The following FRMD3 variants were observed in gnomAD, a reference collection of about 807,000 sequenced individuals.
The protein encoded by FRMD3 is FERM domain containing 3.
In FRMD3, 33 loss-of-function variants were observed where a neutral mutation model predicts 70.2. The ratio of observed to expected loss-of-function variants is 0.47; its 90% CI spans 0.36 to 0.63. The LOEUF is 0.63. Among genes scored for constraint, FRMD3 ranks in the 20% least tolerant of loss-of-function variants. The probability of loss-of-function intolerance (pLI) is 0.00; values close to 1 mark genes in which losing one functional copy is unlikely to be tolerated. For synonymous variants in FRMD3, 279 were observed against 255.9 expected, an observed-to-expected ratio of 1.09 and a Z score of -0.86; for missense variants, 632 against 711.4, an observed-to-expected ratio of 0.89 and a Z score of 1.27.
intron 9 of FRMD3, among the ~76,000 whole-genome samples, chr9:83,309,849 C>A (rs1015870626): frequency 1.3e-5 from 2 of 152,154 alleles, no homozygotes; most frequent in African/African-American, 4.8e-5. Context: ...TGTTTCTGAT[C>A]AAAATCAGCC....
intron 1 of FRMD3, among the ~76,000 whole-genome samples, chr9:83,523,945 T>A (rs908566475): frequency 2.0e-5 from 3 of 152,194 alleles, no homozygotes; most frequent in African/African-American, 7.2e-5. Flanking sequence ...GGTGAAGATA[T>A]CCTTGATAAG....
intron 13 of FRMD3, among the ~76,000 whole-genome samples, chr9:83,271,549 G>C (rs987536769): frequency 6.6e-6 from 1 of 152,136 alleles, no homozygotes; most frequent in African/African-American, 2.4e-5. Context: ...TCAACCATTT[G>C]TATAACTTAA....
the FRMD3 span, among the ~76,000 whole-genome samples, chr9:83,562,804 A>G: frequency 1.3e-5 from 2 of 152,206 alleles, no homozygotes; most frequent in South Asian, 4.1e-4. Context: ...CAGAAACTTA[A>G]AAGTCAAAGG....
At chr9:83,403,391 A>C (rs1564060304) in intron 1 of FRMD3, among the ~76,000 whole-genome samples, 1 of 152,188 alleles carries the variant, frequency 6.6e-6, no homozygotes, top group African/African-American at 2.4e-5. Flanking sequence ...TGGCTCGAAC[A>C]CGCATGTGTG....
chr9:83,514,747 CA>C (rs1301490901), intron 1 of FRMD3, among the ~76,000 whole-genome samples: 1 of 152,212 alleles, frequency 6.6e-6, no homozygotes, highest in Admixed American at 6.5e-5. Context: ...CCCTCTAAGA[CA>C]AAGCTTCCAG....
At chr9:83,260,989 T>C (rs1832959174) in intron 13 of FRMD3, among the ~76,000 whole-genome samples, 1 of 152,126 alleles carries the variant, frequency 6.6e-6, no homozygotes, top group African/African-American at 2.4e-5. Context: ...GATCTAATAC[T>C]ACAAATGTTC....
intron 3 of FRMD3, among the ~76,000 whole-genome samples, 183 bp downstream of exon 3, chr9:83,372,730 G>T (rs1825015859): frequency 6.6e-6 from 1 of 152,094 alleles, no homozygotes; most frequent in South Asian, 2.1e-4. Flanking sequence ...GGATGCTGGT[G>T]CAGACGAGGG....
At chr9:83,280,421 A>C (rs1473758295) in intron 13 of FRMD3, among the ~76,000 whole-genome samples, 2 of 152,194 alleles carry the variant, frequency 1.3e-5, no homozygotes, top group African/African-American at 4.8e-5. Flanking sequence ...ATAGCTTGGC[A>C]AAAGCCCTGA....
intron 1 of FRMD3, among the ~76,000 whole-genome samples, chr9:83,472,988 C>G (rs1434326137): frequency 6.6e-6 from 1 of 152,136 alleles, no homozygotes; most frequent in African/African-American, 2.4e-5. Flanking sequence ...CCACACTCAC[C>G]AGGATTGTGG....
chr9:83,269,408 C>T (rs927427615), intron 13 of FRMD3, among the ~76,000 whole-genome samples: 1 of 152,182 alleles, frequency 6.6e-6, no homozygotes, highest in Non-Finnish European at 1.5e-5. Context: ...CTTAACATCT[C>T]ACCATTGTTT....
intron 13 of FRMD3, among the ~76,000 whole-genome samples, chr9:83,284,060 T>A (rs1351589401): frequency 5.5e-5 from 4 of 72,634 alleles, no homozygotes; most frequent in East Asian, 5.0e-4. Flanking sequence ...GCTAGGATGT[T>A]ATTTTTTTTT....
intron 1 of FRMD3, among the ~76,000 whole-genome samples, chr9:83,521,461 G>A (rs1224616922): frequency 6.6e-6 from 1 of 152,112 alleles, no homozygotes; most frequent in African/African-American, 2.4e-5. Context: ...CCTCTAGCCT[G>A]GGTGAAAAAA....
chr9:83,366,839 G>C (rs968589631), intron 3 of FRMD3, among the ~76,000 whole-genome samples: 8 of 152,068 alleles, frequency 5.3e-5, no homozygotes, highest in South Asian at 2.1e-4. Flanking sequence ...ATACACATTG[G>C]GCCACATTCC....
At chr9:83,375,619 A>T (rs1398950969) in intron 2 of FRMD3, among the ~76,000 whole-genome samples, 4 of 152,196 alleles carry the variant, frequency 2.6e-5, no homozygotes, top group African/African-American at 9.6e-5. Context: ...GAAACAGAAA[A>T]CCAAATACCA....
chr9:83,309,201 G>C (rs1350975592), intron 10 of FRMD3, among the ~76,000 whole-genome samples: 1 of 151,974 alleles, frequency 6.6e-6, no homozygotes, highest in Admixed American at 6.6e-5. Context: ...GGGGTGGGGG[G>C]AGGAGGGCAA....
chr9:83,574,443 A>G, the FRMD3 span, among the ~76,000 whole-genome samples: 1 of 152,232 alleles, frequency 6.6e-6, no homozygotes, highest in Non-Finnish European at 1.5e-5. Context: ...TGGGTCACTG[A>G]TAAGTTCCAT....
At chr9:83,243,199 T>G (rs1313833606), downstream of FRMD3, 1 of 1,550,202 alleles carries the variant, frequency 6.5e-7, no homozygotes, top group Non-Finnish European at 8.7e-7. Flanking sequence ...CTGCTGGGTC[T>G]GTTTACTGCA....
At chr9:83,325,260 T>C (rs933687952) in intron 6 of FRMD3, among the ~76,000 whole-genome samples, 1 of 152,234 alleles carries the variant, frequency 6.6e-6, no homozygotes, top group Non-Finnish European at 1.5e-5. Context: ...ACTTCACCAC[T>C]ATGCAATATA....
chr9:83,534,105 G>T (rs1479868516), intron 1 of FRMD3, among the ~76,000 whole-genome samples: 2 of 152,176 alleles, frequency 1.3e-5, no homozygotes, highest in African/African-American at 4.8e-5. Flanking sequence ...GACTTCAGGG[G>T]TTGGCTCAAT....
Sources: gnomAD v4.1 joint callset for allele counts (sites outside exome capture counted in the v4.1 genomes callset) on GRCh38, gnomAD v4.1.1 for gene constraint, MANE v1.5 for transcripts, NCBI Gene and HGNC (gene_info 2026-07-23, HGNC 2026-07-21) for gene names.